Variants in AAK1 observed in about 807,000 individuals in gnomAD.
The protein encoded by AAK1 is AP2 associated kinase 1.
A neutral mutation model predicts 116.0 loss-of-function variants in AAK1; 37 were observed. That is an observed-to-expected ratio of 0.32 (90% CI 0.25 to 0.42). The LOEUF (loss-of-function observed/expected upper bound fraction) is 0.42. Ranked by LOEUF, AAK1 falls within the 10% of genes least tolerant of loss-of-function variation. AAK1 has a pLI of 1.00. For missense variants in AAK1, 919 were observed against 1,170.6 expected (o/e 0.79, Z 3.14); for synonymous variants, 458 against 439.9 (o/e 1.04, Z -0.51).
intron 5 of AAK1, 24 bp downstream of exon 5, chr2:69,542,499 G>T (rs780339420): frequency 6.2e-7 from 1 of 1,612,820 alleles, no homozygotes; most frequent in African/African-American, 1.3e-5. Flanking sequence ...TAGAATGCCC[G>T]TAATGAAAGA....
chr2:69,518,761 T>C (rs1348222593), intron 12 of AAK1, among the ~76,000 whole-genome samples, 193 bp downstream of exon 12: 1 of 152,160 alleles, frequency 6.6e-6, no homozygotes, highest in African/African-American at 2.4e-5. Flanking sequence ...AGATGACAGA[T>C]TCCTCATGGC....
Position 69,505,693 on chromosome 2 carries a change from C to G in AAK1, c.2165-20G>C, listed in dbSNP as rs765040371. 1 of 1,596,070 alleles carries G rather than the reference C, an allele frequency of 6.3e-7. No homozygotes were observed. Among genetic ancestry groups the G allele is most frequent in the Non-Finnish European group, 8.6e-7 (1 of 1,164,594 alleles). ...GTTTGCCTGGAGAGACAAAACACCACTCAGTTCATTCTAGCAGAATCTTGC... is the reference window on the plus strand; with the variant it reads ...GTTTGCCTGGAGAGACAAAACACCAGTCAGTTCATTCTAGCAGAATCTTGC... On this transcript the variant is annotated intron_variant, in intron 15 of 21. Coordinates refer to ENST00000409085, the MANE Select transcript of AAK1 (RefSeq NM_014911.5).
chr2:69,553,433 AGTT>A (rs1344769777), intron 3 of AAK1, among the ~76,000 whole-genome samples: 5 of 136,798 alleles, frequency 3.7e-5, no homozygotes, highest in Non-Finnish European at 6.0e-5. Flanking sequence ...TAGAATTGAA[AGTT>A]GTTTTTTTTT....
chr2:69,588,090 G>A (rs566503613), intron 2 of AAK1, among the ~76,000 whole-genome samples: 1 of 152,182 alleles, frequency 6.6e-6, no homozygotes, highest in South Asian at 2.1e-4. Context: ...TAAGGAGCAA[G>A]ACTTTGGAGT....
In AAK1 at chr2:69,479,075, A is replaced by T; in HGVS notation, c.2570-14T>A. ...CGGTGAGAGAATCTGAGTCCAGATT[A>T]ACAGCATCCCAGGTCAGTGATGGCA... is the stretch of plus-strand genomic sequence containing the variant. On this transcript the variant is annotated splice_polypyrimidine_tract_variant and intron_variant, in intron 19 of 21. Transcript: ENST00000409085. 6.5e-7 allele frequency: 1 copy of T among 1,547,178 alleles called. No homozygotes were observed. Among genetic ancestry groups the T allele is most frequent in the Non-Finnish European group, 8.9e-7 (1 of 1,119,198 alleles).
intron 2 of AAK1, among the ~76,000 whole-genome samples, chr2:69,614,730 G>C (rs1674246922): frequency 6.6e-6 from 1 of 152,090 alleles, no homozygotes; most frequent in African/African-American, 2.4e-5. Flanking sequence ...TCTCAAGATG[G>C]GGGTCATCCT....
chr2:69,469,769 A>C lies in AAK1; in HGVS notation c.*6100T>G. ...TTATTTTGGTTTCACACATAAAATT[A>C]AGCAAGAAGTCAAAACATACTTCTT... On this transcript the variant is annotated 3_prime_UTR_variant, in exon 22 of 22. Coordinates refer to ENST00000409085, the MANE Select transcript of AAK1 (RefSeq NM_014911.5). 1 of 985,438 alleles carries C rather than the reference A, an allele frequency of 1.0e-6. No homozygotes were observed. The highest frequency in any genetic ancestry group is 1.2e-6 in the Non-Finnish European group (1 of 829,924). The allele number at this position is 985,438 out of a possible 1,614,324, so 61.0% of individuals were successfully genotyped here.
intron 17 of AAK1, among the ~76,000 whole-genome samples, chr2:69,495,445 G>A (rs1277593254): frequency 6.6e-6 from 1 of 152,172 alleles, no homozygotes; most frequent in Non-Finnish European, 1.5e-5. Flanking sequence ...TCAGGTAGCG[G>A]CAGAGCCTGG....
At chr2:69,478,802 A>G in intron 20 of AAK1, 149 bp downstream of exon 20, 1 of 638,196 alleles carries the variant, frequency 1.6e-6, no homozygotes. Context: ...ATTATAACAC[A>G]GTATCTAGGA....
chr2:69,514,492 T>G lies in AAK1; in HGVS notation c.1755A>C (p.Pro585=). The stretch of plus-strand genomic sequence containing the variant: ...TTACCGCTGGCTCCTGGGCAGGGGC[T>G]GGCTGTGGGGCTGCAGCTGGCTGTG... ...PQPQPAAAPQ[P]APAQEPAIQA... is the part of the protein sequence containing the mutation. The change falls in exon 13 of 22, where the codon CCA becomes CCC. Residue 585 remains proline, a synonymous_variant. Coordinates refer to ENST00000409085, the MANE Select transcript of AAK1 (RefSeq NM_014911.5). 1 of 1,548,636 alleles carries G rather than the reference T, an allele frequency of 6.5e-7. No individual in the cohort carries two copies. The highest frequency in any genetic ancestry group is 8.7e-7 in the Non-Finnish European group (1 of 1,145,316).
chr2:69,543,178 G>A (rs1419440328), intron 4 of AAK1, among the ~76,000 whole-genome samples: 1 of 152,096 alleles, frequency 6.6e-6, no homozygotes, highest in East Asian at 1.9e-4. Context: ...TAATCTCCAG[G>A]ACCAAAAGAT....
intron 12 of AAK1, among the ~76,000 whole-genome samples, chr2:69,518,753 A>T (rs1164092147): frequency 6.6e-6 from 1 of 152,180 alleles, no homozygotes; most frequent in African/African-American, 2.4e-5. Context: ...CCTCAATCAG[A>T]TGACAGATTC....
rs548821668 is a variant in AAK1 at position 69,594,901 on chromosome 2, G to A, written c.164-37923C>T. 1.7e-5 allele frequency: 24 copies of A among 1,451,410 alleles called. No homozygotes were observed. The Admixed American group carries it at 2.7e-4, about 16-fold the overall frequency. 89.9% of individuals were successfully genotyped at this position (1,451,410 alleles called of 1,614,324 possible). A position where few individuals can be genotyped will look rare whatever the true frequency, so the allele number is the denominator to read the frequency against. On this transcript the variant is annotated intron_variant, in intron 2 of 21. Transcript: ENST00000409085. ...AGTTTTAGCCTTTTTCCAGAAAATC[G>A]GCTTAGTTTGCCCACTACAGCCACT...
At chr2:69,512,646 G>A (rs1439090241) in intron 13 of AAK1, among the ~76,000 whole-genome samples, 1 of 152,230 alleles carries the variant, frequency 6.6e-6, no homozygotes, top group Non-Finnish European at 1.5e-5. Context: ...AGACAAGGAT[G>A]GGTCAAAGCT....
At chr2:69,507,116 G>A (rs2104963453) in intron 15 of AAK1, among the ~76,000 whole-genome samples, 1 of 152,262 alleles carries the variant, frequency 6.6e-6, no homozygotes. Context: ...GAGGGACCAT[G>A]CCTGATGCTG....
chr2:69,480,080 A>T (rs1439259526), intron 19 of AAK1, among the ~76,000 whole-genome samples: 1 of 152,120 alleles, frequency 6.6e-6, no homozygotes, highest in African/African-American at 2.4e-5. Flanking sequence ...TAACACAGGG[A>T]TTGTTTTCTG....
rs558509764 is a variant in AAK1 at position 69,474,513 on chromosome 2, G to C, written c.*1356C>G. The C allele has an allele frequency of 1.8e-5, 18 of 984,632 alleles. No individual in the cohort carries two copies. The highest frequency in any genetic ancestry group is 3.5e-5 in the African/African-American group (2 of 57,282). The allele number at this position is 984,632 out of a possible 1,614,324, so 61.0% of individuals were successfully genotyped here. A position where few individuals can be genotyped will look rare whatever the true frequency, so the allele number is the denominator to read the frequency against. On this transcript the variant is annotated 3_prime_UTR_variant, in exon 22 of 22. Transcript: ENST00000409085. ...TTTATTTTATGAACAATATCCTAAA[G>C]TTAATAAAGAACTATGCTTTATTAT...
intron 3 of AAK1, among the ~76,000 whole-genome samples, chr2:69,554,776 G>A (rs939691981): frequency 2.0e-5 from 3 of 152,154 alleles, no homozygotes; most frequent in African/African-American, 2.4e-5. Context: ...ATTGCTTGAC[G>A]TTTTTTGTAA....
chr2:69,520,805 T>C, intron 11 of AAK1, 29 bp downstream of exon 11: 7 of 1,525,454 alleles, frequency 4.6e-6, no homozygotes, highest in African/African-American at 1.4e-5. Context: ...AAGAGGTGTA[T>C]TGAGTTTCAA....
Sources: gnomAD v4.1 joint callset for allele counts (sites outside exome capture counted in the v4.1 genomes callset) on GRCh38, gnomAD v4.1.1 for gene constraint, MANE v1.5 for transcripts, NCBI Gene and HGNC (gene_info 2026-07-23, HGNC 2026-07-21) for gene names.